SORCS1: variants seen among roughly 807,000 people sequenced by gnomAD.
The protein encoded by SORCS1 is sortilin related VPS10 domain containing receptor 1.
SORCS1 carries 60 observed loss-of-function variants against 146.1 expected under a neutral mutation model. The ratio of observed to expected loss-of-function variants is 0.41; its 90% CI spans 0.33 to 0.51. SORCS1 has a LOEUF of 0.51. Ranked by LOEUF, SORCS1 falls within the 20% of genes least tolerant of loss-of-function variation. SORCS1 has a pLI of 0.21. For missense variants in SORCS1, 1,352 were observed against 1,487.6 expected (o/e 0.91, Z 1.50); for synonymous variants, 637 against 584.0 (o/e 1.09, Z -1.31).
chr10:106,599,508 G>A (rs749547975), intron 23 of SORCS1, among the ~76,000 whole-genome samples: 38 of 152,088 alleles, frequency 2.5e-4, no homozygotes, highest in Admixed American at 7.2e-4. Flanking sequence ...AGTCTTTATA[G>A]GAATCAGACA....
intron 22 of SORCS1, 78 bp from the exon 23 acceptor site, chr10:106,607,375 A>G: frequency 6.4e-7 from 1 of 1,568,108 alleles, no homozygotes. Flanking sequence ...TGGTGGGGGG[A>G]TCAGGGGTAG....
rs77454695 is a variant in SORCS1, at chr10:106,745,808, G to A, written c.960-15694C>T. Among the ~76,000 whole-genome samples the A allele has an allele frequency of 2.6e-5, 4 of 152,274 alleles. No individual in the cohort carries two copies. In the East Asian group the frequency reaches 7.7e-4, roughly 29 times the overall value. ...ACAAGAAAAAAAGTAACTTTGCAATGGAGAAACCTGGGAGACGCCCCCTTC... is the reference window on the plus strand; with the variant it reads ...ACAAGAAAAAAAGTAACTTTGCAATAGAGAAACCTGGGAGACGCCCCCTTC... On this transcript the variant is annotated intron_variant, in intron 5 of 25. Coordinates refer to ENST00000263054, the MANE Select transcript of SORCS1 (RefSeq NM_052918.5).
At chr10:106,646,219 C>T (rs1390287983) in intron 18 of SORCS1, among the ~76,000 whole-genome samples, 1 of 151,728 alleles carries the variant, frequency 6.6e-6, no homozygotes, top group Non-Finnish European at 1.5e-5. Flanking sequence ...GCCACTTGCA[C>T]TTCAGTCTGG....
At chr10:106,929,606 G>T (rs755865704) in intron 2 of SORCS1, among the ~76,000 whole-genome samples, 4 of 152,182 alleles carry the variant, frequency 2.6e-5, no homozygotes, top group Non-Finnish European at 4.4e-5. Flanking sequence ...TACATTGCAG[G>T]CTTTCTGGTT....
At chr10:107,140,387 A>G (rs1302797111) in intron 1 of SORCS1, among the ~76,000 whole-genome samples, 1 of 152,234 alleles carries the variant, frequency 6.6e-6, no homozygotes, top group African/African-American at 2.4e-5. Flanking sequence ...ATTGTCAGCA[A>G]TAATTCCACA....
At chr10:106,967,917 A>C (rs1042175538) in intron 1 of SORCS1, among the ~76,000 whole-genome samples, 3 of 151,948 alleles carry the variant, frequency 2.0e-5, no homozygotes, top group African/African-American at 7.2e-5. Flanking sequence ...AAAAAAAGAC[A>C]AAAAATGCCG....
At chr10:106,912,334 G>A (rs1176115613) in intron 2 of SORCS1, among the ~76,000 whole-genome samples, 1 of 2,144 alleles carries the variant, frequency 4.7e-4, no homozygotes, top group African/African-American at 5.4e-4. Context: ...ACACAATAGT[G>A]CCCACCCCGA....
intron 12 of SORCS1, 60 bp from the exon 13 acceptor site, chr10:106,677,464 G>A (rs971679552): frequency 4.0e-5 from 58 of 1,450,128 alleles, no homozygotes; most frequent in Non-Finnish European, 4.5e-5. Flanking sequence ...CCAGGCTTCA[G>A]AGAATCAGTC....
chr10:106,608,000 T>C (rs1846726521), intron 22 of SORCS1, among the ~76,000 whole-genome samples: 1 of 152,196 alleles, frequency 6.6e-6, no homozygotes, highest in Admixed American at 6.5e-5. Context: ...ACTCAAGGAC[T>C]TCTTGTTTAT....
chr10:107,082,287 T>A (rs1963387369), intron 1 of SORCS1, among the ~76,000 whole-genome samples: 2 of 152,194 alleles, frequency 1.3e-5, no homozygotes, highest in African/African-American at 4.8e-5. Flanking sequence ...CTTTTCCTAC[T>A]CTTTAAGAGG....
In SORCS1 at chr10:107,155,781, AG is replaced by A. The variant is rs970956347; in HGVS notation, c.558+8187del. Among the ~76,000 whole-genome samples the A allele has an allele frequency of 6.4e-4, 97 of 152,310 alleles. 1 individual carries two copies. The highest frequency in any genetic ancestry group is 2.3e-3 in the African/African-American group (94 of 41,556). On this transcript the variant is annotated intron_variant, in intron 1 of 25. Coordinates refer to ENST00000263054, the MANE Select transcript of SORCS1 (RefSeq NM_052918.5). ...CTCAACAGCTCCTGTTACTCTGGTT[AG>A]GGAAAGATGACTAGAGGCGTCAATC...
intron 3 of SORCS1, among the ~76,000 whole-genome samples, chr10:106,821,194 A>T (rs1399261271): frequency 2.0e-5 from 3 of 152,236 alleles, no homozygotes; most frequent in South Asian, 2.1e-4. Flanking sequence ...AGTGATATAA[A>T]AAACATGCAG....
At chr10:106,992,826 C>CTTTTTTTTTTTTT (rs36052970) in intron 1 of SORCS1, among the ~76,000 whole-genome samples, 17 of 57,080 alleles carry the variant, frequency 3.0e-4, no homozygotes, top group East Asian at 4.6e-4. Flanking sequence ...TTCTTTCTTT[C>CTTTTTTTTTTTTT]TTTTTTTTTT....
intron 3 of SORCS1, among the ~76,000 whole-genome samples, chr10:106,793,845 A>G (rs1277414477): frequency 6.6e-6 from 1 of 152,242 alleles, no homozygotes; most frequent in Non-Finnish European, 1.5e-5. Context: ...AATCCTCTTT[A>G]AGGATCTAAC....
chr10:106,843,388 T>C lies in SORCS1; in HGVS notation c.627-13715A>G, dbSNP rs530863179. ...CTGGCTTATCTCACTTAGCATAATG[T>C]TTTCCAAGTTAATTCATGTTGCGGT... is the stretch of plus-strand genomic sequence containing the variant. On this transcript the variant is annotated intron_variant, in intron 2 of 25. Transcript: ENST00000263054. Among the ~76,000 whole-genome samples, 13 of 152,210 alleles carry C rather than the reference T, an allele frequency of 8.5e-5. 1 individual carries two copies. In the South Asian group the frequency reaches 2.5e-3, roughly 29 times the overall value.
chr10:107,160,838 T>C (rs1184087924), intron 1 of SORCS1, among the ~76,000 whole-genome samples: 1 of 152,224 alleles, frequency 6.6e-6, no homozygotes, highest in East Asian at 1.9e-4. Context: ...CATACACCAT[T>C]ATGCATACAT....
chr10:107,174,738 TTCTC>T, the SORCS1 span, among the ~76,000 whole-genome samples: 1 of 152,188 alleles, frequency 6.6e-6, no homozygotes, highest in East Asian at 1.9e-4. Context: ...AAAATTCTAC[TTCTC>T]TATTTGAAAT....
chr10:107,013,874 T>C (rs1361971292), intron 1 of SORCS1, among the ~76,000 whole-genome samples: 9 of 152,170 alleles, frequency 5.9e-5, no homozygotes, highest in East Asian at 1.9e-4. Flanking sequence ...CAAGTGACTC[T>C]TGACTCTAGT....
At chr10:107,008,798 T>C (rs1160706179) in intron 1 of SORCS1, among the ~76,000 whole-genome samples, 3 of 151,968 alleles carry the variant, frequency 2.0e-5, no homozygotes, top group African/African-American at 7.2e-5. Context: ...GAGATCGAGA[T>C]CATCCTGGCC....
Sources: gnomAD v4.1 joint callset for allele counts (sites outside exome capture counted in the v4.1 genomes callset) on GRCh38, gnomAD v4.1.1 for gene constraint, MANE v1.5 for transcripts, NCBI Gene and HGNC (gene_info 2026-07-23, HGNC 2026-07-21) for gene names.